The following PCDHGB2 variants were observed in gnomAD, a reference collection of about 807,000 sequenced individuals.
PCDHGB2 encodes protocadherin gamma subfamily B, 2.
Under a neutral mutation model 59.3 loss-of-function variants are expected in PCDHGB2, and 55 were observed. The observed-to-expected ratio is 0.93, with a 90% CI of 0.75 to 1.16. PCDHGB2 has a LOEUF of 1.16. Ranked by LOEUF, PCDHGB2 falls within the 50% of genes most tolerant of loss-of-function variation. The pLI, the probability that PCDHGB2 is intolerant of heterozygous loss-of-function variation, is 0.00. For synonymous variants in PCDHGB2, 516 were observed against 512.0 expected, an observed-to-expected ratio of 1.01 and a Z score of -0.11; for missense variants, 1,228 against 1,198.5, an observed-to-expected ratio of 1.02 and a Z score of -0.36.
At chr5:141,414,161 GA>G (rs1351073953) in intron 1 of PCDHGB2, 1 of 1,603,276 alleles carries the variant, frequency 6.2e-7, no homozygotes, top group Admixed American at 1.7e-5. Context: ...GAAGATGGAG[GA>G]GCATATCTTG....
chr5:141,380,299 C>G (rs1776363020), intron 1 of PCDHGB2, among the ~76,000 whole-genome samples: 2 of 152,210 alleles, frequency 1.3e-5, no homozygotes, highest in Middle Eastern at 3.4e-3. Flanking sequence ...ATACCTATAT[C>G]TTTGCTTGAG....
Position 141,493,477 on chromosome 5 carries a change from G to A in PCDHGB2, c.2422-1330G>A, listed in dbSNP as rs1657824440. On this transcript the variant is annotated intron_variant, in intron 1 of 3. Transcript: ENST00000522605. This position sits in a 1 kb window ranked among gnomAD's most constrained non-coding sequence, Gnocchi z 4.3. ...TTCCCTTTTAGGACCTTACATGTGG[G>A]GAAAGTCTTCTGTGGCTCCTCATTT... is the stretch of plus-strand genomic sequence containing the variant. Among the ~76,000 whole-genome samples, 3 of 152,124 alleles carry A rather than the reference G, an allele frequency of 2.0e-5. No individual in the cohort carries two copies. The highest frequency in any genetic ancestry group is 6.5e-5 in the Admixed American group (1 of 15,272).
chr5:141,389,910 C>T (rs1417147488), intron 1 of PCDHGB2: 21 of 1,614,080 alleles, frequency 1.3e-5, no homozygotes, highest in Non-Finnish European at 1.7e-5. Flanking sequence ...TATCACTGAC[C>T]GCCCCGACCC....
intron 1 of PCDHGB2, among the ~76,000 whole-genome samples, chr5:141,406,446 CTA>C: frequency 6.6e-6 from 1 of 152,200 alleles, no homozygotes; most frequent in Non-Finnish European, 1.5e-5. Context: ...TCTTCCATTT[CTA>C]TGACAGGAAA....
chr5:141,417,892 C>G lies in PCDHGB2; in HGVS notation c.2421+55336C>G, dbSNP rs550343206. On this transcript the variant is annotated intron_variant, in intron 1 of 3. Coordinates refer to ENST00000522605, the MANE Select transcript of PCDHGB2 (RefSeq NM_018923.3). Reference sequence around the variant, plus strand: ...GGAGCTGCGCGCAGAGGCGCCGGGCCGGCCCGCGGCAGGTACTATTTCCTT... The same window carrying G: ...GGAGCTGCGCGCAGAGGCGCCGGGCGGGCCCGCGGCAGGTACTATTTCCTT... 2.2e-4 allele frequency: 348 copies of G among 1,570,774 alleles called. 2 individuals carry two copies. The South Asian group carries it at 3.7e-3, about 17-fold the overall frequency.
rs773688197 is a variant in PCDHGB2, at chr5:141,432,412, C to T, written c.2422-62395C>T. On this transcript the variant is annotated intron_variant, in intron 1 of 3. Transcript: ENST00000522605. This position sits in a 1 kb window ranked among gnomAD's most constrained non-coding sequence, Gnocchi z 6.0. ...GCAGCAACGTGTCGTTGAGCCTGTT[C>T]GTGCTGGACCAGAACGACAATGCGC... 5 of 1,614,128 alleles carry T rather than the reference C, an allele frequency of 3.1e-6. No individual in the cohort carries two copies. The highest frequency in any genetic ancestry group is 4.5e-5 in the East Asian group (2 of 44,894).
At chr5:141,399,445 G>GATA in intron 1 of PCDHGB2, 1 of 1,614,032 alleles carries the variant, frequency 6.2e-7, no homozygotes, top group Non-Finnish European at 8.5e-7. Flanking sequence ...ACATATCAGA[G>GATA]ACGTCAACGA....
intron 1 of PCDHGB2, among the ~76,000 whole-genome samples, chr5:141,473,313 T>C (rs1173941642): frequency 2.7e-4 from 41 of 152,246 alleles, no homozygotes; most frequent in Non-Finnish European, 5.9e-5. Context: ...GCTATATTAA[T>C]AAGCATTAAG....
chr5:141,477,890 C>T lies in PCDHGB2; in HGVS notation c.2422-16917C>T, dbSNP rs202114426. ...TACCTCAGCTGGCCACCTAGTGTCA[C>T]GGGTGGTAGGCTGGGACGCGGATGC... is the stretch of plus-strand genomic sequence containing the variant. On this transcript the variant is annotated intron_variant, in intron 1 of 3. Coordinates refer to ENST00000522605, the MANE Select transcript of PCDHGB2 (RefSeq NM_018923.3). This position sits in a 1 kb window ranked among gnomAD's most constrained non-coding sequence, Gnocchi z 4.9. 9.9e-6 allele frequency: 16 copies of T among 1,614,086 alleles called. No individual in the cohort carries two copies. Among genetic ancestry groups the T allele is most frequent in the Admixed American group, 1.7e-5 (1 of 60,006 alleles).
In PCDHGB2 at chr5:141,490,639, C is replaced by T. The variant is rs1345892739; in HGVS notation, c.2422-4168C>T. 25 of 1,614,200 alleles carry T rather than the reference C, an allele frequency of 1.5e-5. No homozygotes were observed. Among genetic ancestry groups the T allele is most frequent in the East Asian group, 2.2e-5 (1 of 44,878 alleles). ...TTACACTGCTTACATCCTAGAAAAC[C>T]GGCCTCCGGGCTCCCTTCTTTGCAC... On this transcript the variant is annotated intron_variant, in intron 1 of 3. Transcript: ENST00000522605. This position sits in a 1 kb window ranked among gnomAD's most constrained non-coding sequence, Gnocchi z 5.4.
chr5:141,503,260 C>A (rs2154593294), intron 2 of PCDHGB2, among the ~76,000 whole-genome samples: 1 of 152,178 alleles, frequency 6.6e-6, no homozygotes, highest in African/African-American at 2.4e-5. Flanking sequence ...ACAGCCACAA[C>A]CCCAGCACCT....
rs759439765 is a variant in PCDHGB2 at position 141,478,199 on chromosome 5, C to A, written c.2422-16608C>A. ...GAAAAAAAATCTCACCTTTTATCTA[C>A]TTCTTTCTCTAATCCTGGTTTCTGT... On this transcript the variant is annotated intron_variant, in intron 1 of 3. Coordinates refer to ENST00000522605, the MANE Select transcript of PCDHGB2 (RefSeq NM_018923.3). The A allele has an allele frequency of 3.8e-5, 62 of 1,613,938 alleles. No homozygotes were observed. Among genetic ancestry groups the A allele is most frequent in the Non-Finnish European group, 5.0e-5 (59 of 1,180,046 alleles).
At chr5:141,399,048 G>T (rs779434482) in intron 1 of PCDHGB2, 1 of 1,613,830 alleles carries the variant, frequency 6.2e-7, no homozygotes, top group East Asian at 2.2e-5. Context: ...ATTTTGAAGA[G>T]ACCAAGGAAT....
chr5:141,405,328 C>T (rs4912606), intron 1 of PCDHGB2: 66,412 of 1,613,986 alleles, frequency 0.041, 1,736 homozygotes, highest in Non-Finnish European at 0.046. Flanking sequence ...AGCCTTTGTG[C>T]GTCTCTGTTG....
intron 1 of PCDHGB2, chr5:141,409,804 C>T (rs766279863): frequency 6.2e-7 from 1 of 1,611,772 alleles, no homozygotes; most frequent in South Asian, 1.1e-5. Context: ...CGCTGCAGGC[C>T]CGCGACCACG....
intron 1 of PCDHGB2, chr5:141,388,903 A>T: frequency 6.2e-7 from 1 of 1,614,010 alleles, no homozygotes; most frequent in Non-Finnish European, 8.5e-7. Flanking sequence ...GATGAAAATG[A>T]CAACGCCCCA....
At chr5:141,426,830 C>A (rs559240163) in intron 1 of PCDHGB2, 301 of 456,662 alleles carry the variant, frequency 6.6e-4, no homozygotes, top group African/African-American at 5.8e-3. Flanking sequence ...TGATGATGGA[C>A]AAGACTAAAG....
At chr5:141,427,969 A>G (rs1239461810) in intron 1 of PCDHGB2, 1 of 1,591,942 alleles carries the variant, frequency 6.3e-7, no homozygotes, top group Admixed American at 1.7e-5. Context: ...CGGGTGCTGT[A>G]CCCCGCGCTG....
chr5:141,360,069 G>A lies in PCDHGB2; in HGVS notation c.-67G>A, dbSNP rs1761407187. 6.8e-7 allele frequency: 1 copy of A among 1,469,142 alleles called. No homozygotes were observed. Among genetic ancestry groups the A allele is most frequent in the Non-Finnish European group, 9.0e-7 (1 of 1,108,112 alleles). 91.0% of individuals were successfully genotyped at this position (1,469,142 alleles called of 1,614,324 possible). A position where few individuals can be genotyped will look rare whatever the true frequency, so the allele number is the denominator to read the frequency against. ...AACAAAAGCAGGAAAAGTGACCTTA[G>A]CCCGGATTCTGCCATCCCCGGAAGG... On this transcript the variant is annotated 5_prime_UTR_variant, in exon 1 of 4. Transcript: ENST00000522605.
Sources: gnomAD v4.1 joint callset for allele counts (sites outside exome capture counted in the v4.1 genomes callset) on GRCh38, gnomAD v4.1.1 for gene constraint, Gnocchi (gnomAD v3.1) non-coding constraint, MANE v1.5 for transcripts, NCBI Gene and HGNC (gene_info 2026-07-23, HGNC 2026-07-21) for gene names.